Variants in GOLM2 observed in about 807,000 individuals in gnomAD.
GOLM2 encodes the protein protein GOLM2.
A neutral mutation model predicts 55.9 loss-of-function variants in GOLM2; 26 were observed. The ratio of observed to expected loss-of-function variants is 0.47; its 90% CI spans 0.34 to 0.65. GOLM2 has a LOEUF of 0.65. Ranked by LOEUF, GOLM2 falls within the 30% of genes least tolerant of loss-of-function variation. GOLM2 has a pLI of 0.01. For missense variants in GOLM2, 486 were observed against 531.8 expected, an observed-to-expected ratio of 0.91 and a Z score of 0.85; for synonymous variants, 165 against 194.6, an observed-to-expected ratio of 0.85 and a Z score of 1.27.
chr15:44,391,545 G>A (rs778067553), intron 8 of GOLM2, among the ~76,000 whole-genome samples: 11 of 150,402 alleles, frequency 7.3e-5, no homozygotes, highest in East Asian at 2.0e-4. Flanking sequence ...TGGAAAGATC[G>A]TCAGCACACA....
At position 44,289,381 on chromosome 15, in the gene GOLM2, A is replaced by AG; in HGVS notation, c.327+25_327+26insG. The AG allele has an allele frequency of 6.3e-7, 1 of 1,582,962 alleles. No individual in the cohort carries two copies. The highest frequency in any genetic ancestry group is 8.6e-7 in the Non-Finnish European group (1 of 1,163,346). ...GGTAAGGACGACCCTTTTCTCTTCA[A>AG]ACCCCATGGTTTCTTTTCTCCCCGG... On this transcript the variant is annotated intron_variant, in intron 1 of 9. Transcript: ENST00000299957. The surrounding 1 kb of genome is among the most constrained non-coding windows in gnomAD (Gnocchi z 4.8).
At chr15:44,331,217 G>T (rs1288601030) in intron 3 of GOLM2, among the ~76,000 whole-genome samples, 1 of 152,066 alleles carries the variant, frequency 6.6e-6, no homozygotes, top group East Asian at 1.9e-4. Flanking sequence ...GGGTGTCATT[G>T]TGTTGGCCAG....
chr15:44,326,947 C>T (rs2078986434), intron 2 of GOLM2, among the ~76,000 whole-genome samples: 1 of 150,402 alleles, frequency 6.6e-6, no homozygotes, highest in South Asian at 2.1e-4. Flanking sequence ...CCACCGTGCC[C>T]AGCCAACATC....
Position 44,293,427 on chromosome 15 carries a change from TCCAGG to T in GOLM2, c.327+4072_327+4076del, listed in dbSNP as rs2078735019. On this transcript the variant is annotated intron_variant, in intron 1 of 9. Transcript: ENST00000299957. ...TTTTCGCCTGCTGTCCTTTTTTAAT[TCCAGG>T]ATCTCATCCAGAGTTACGTTACATT... 2.0e-5 allele frequency among the ~76,000 whole-genome samples: 3 copies of T among 152,344 alleles called. No homozygotes were observed. In the South Asian group the frequency reaches 6.2e-4, roughly 32 times the overall value.
At chr15:44,373,326 G>A (rs1018018688) in intron 6 of GOLM2, among the ~76,000 whole-genome samples, 3 of 151,906 alleles carry the variant, frequency 2.0e-5, no homozygotes, top group African/African-American at 4.8e-5. Flanking sequence ...GCGCAGTGGC[G>A]GGCGCCTGTA....
intron 8 of GOLM2, among the ~76,000 whole-genome samples, chr15:44,395,268 A>G (rs1487256924): frequency 6.6e-6 from 1 of 150,858 alleles, no homozygotes; most frequent in Non-Finnish European, 1.5e-5. Flanking sequence ...TCAGCCTCCC[A>G]AAGTGCTGGT....
At chr15:44,291,233 G>A (rs771295712) in intron 1 of GOLM2, among the ~76,000 whole-genome samples, 28 of 151,760 alleles carry the variant, frequency 1.8e-4, no homozygotes, top group Non-Finnish European at 3.8e-4. Context: ...TCCTGCTTCA[G>A]CCTCTGAGTA....
At chr15:44,384,615 C>T (rs534921078) in intron 8 of GOLM2, among the ~76,000 whole-genome samples, 3 of 152,156 alleles carry the variant, frequency 2.0e-5, no homozygotes, top group Admixed American at 6.5e-5. Context: ...GGCGTGGTGG[C>T]GGGCGCCTGT....
chr15:44,313,925 C>T (rs1242945951), intron 1 of GOLM2, among the ~76,000 whole-genome samples: 1 of 152,048 alleles, frequency 6.6e-6, no homozygotes, highest in Non-Finnish European at 1.5e-5. Flanking sequence ...GACCAAAGAC[C>T]TTGTTTATTC....
At chr15:44,403,531 G>A (rs1340391821) in intron 9 of GOLM2, among the ~76,000 whole-genome samples, 2 of 151,920 alleles carry the variant, frequency 1.3e-5, no homozygotes, top group East Asian at 3.9e-4. Context: ...TTATAATAGT[G>A]GAATTTGTAA....
At chr15:44,413,273 T>C (rs2079650488) in intron 9 of GOLM2, 63 bp from the exon 10 acceptor site, 1 of 1,186,434 alleles carries the variant, frequency 8.4e-7, no homozygotes, top group Non-Finnish European at 1.2e-6. Context: ...AACTGAGACA[T>C]TAATTGGATT....
At chr15:44,343,358 A>G (rs1323081411) in intron 6 of GOLM2, among the ~76,000 whole-genome samples, 1 of 149,264 alleles carries the variant, frequency 6.7e-6, no homozygotes, top group Non-Finnish European at 1.5e-5. Context: ...TGTTATTATT[A>G]TTTCATGTAA....
At chr15:44,326,941 C>T (rs1400689039) in intron 2 of GOLM2, among the ~76,000 whole-genome samples, 4 of 150,026 alleles carry the variant, frequency 2.7e-5, no homozygotes, top group African/African-American at 7.3e-5. Flanking sequence ...TGTGAGCCAC[C>T]GTGCCCAGCC....
intron 6 of GOLM2, chr15:44,355,390 C>A: frequency 5.9e-6 from 1 of 168,492 alleles, no homozygotes; most frequent in South Asian, 1.3e-4. Context: ...CCTTCCTCGT[C>A]CCTACCACCA....
chr15:44,312,464 C>T (rs1274653244), intron 1 of GOLM2, among the ~76,000 whole-genome samples: 1 of 152,106 alleles, frequency 6.6e-6, no homozygotes, highest in Non-Finnish European at 1.5e-5. Flanking sequence ...GGAATACCTA[C>T]ATCTGTACCC....
rs180795078 is a variant in GOLM2, at chr15:44,330,340, C to A, written c.485+1553C>A. Among the ~76,000 whole-genome samples, 327 of 150,722 alleles carry A rather than the reference C, an allele frequency of 2.2e-3. 2 individuals carry two copies. The highest frequency in any genetic ancestry group is 7.7e-3 in the African/African-American group (319 of 41,214). The stretch of plus-strand genomic sequence containing the variant: ...CCAGCCTGACCAACATGGAGAAACC[C>A]CATTTCTACTAAAAATAGAAAAAAT... On this transcript the variant is annotated intron_variant, in intron 3 of 9. Transcript: ENST00000299957.
chr15:44,351,626 G>A lies in GOLM2; in HGVS notation c.802+13309G>A, dbSNP rs573350060. The stretch of plus-strand genomic sequence containing the variant: ...CAGACAAACAAAGAACATCAAAATC[G>A]GAAAGGAAGAAGTCAAATTATCCTT... On this transcript the variant is annotated intron_variant, in intron 6 of 9. Coordinates refer to ENST00000299957, the MANE Select transcript of GOLM2 (RefSeq NM_138423.4). Among the ~76,000 whole-genome samples the A allele has an allele frequency of 2.7e-5, 4 of 145,936 alleles. No individual in the cohort carries two copies. The South Asian group carries it at 6.5e-4, about 24-fold the overall frequency.
intron 6 of GOLM2, among the ~76,000 whole-genome samples, chr15:44,368,729 A>C (rs1032966028): frequency 4.6e-5 from 7 of 151,474 alleles, no homozygotes; most frequent in African/African-American, 9.7e-5. Flanking sequence ...ATATACACAC[A>C]TATATATACA....
At chr15:44,312,956 G>C (rs1283531754) in intron 1 of GOLM2, among the ~76,000 whole-genome samples, 2 of 152,132 alleles carry the variant, frequency 1.3e-5, no homozygotes, top group Non-Finnish European at 2.9e-5. Context: ...GCGTGCTCCT[G>C]TAATCCCAGC....
Sources: gnomAD v4.1 joint callset for allele counts (sites outside exome capture counted in the v4.1 genomes callset) on GRCh38, gnomAD v4.1.1 for gene constraint, Gnocchi (gnomAD v3.1) non-coding constraint, MANE v1.5 for transcripts, NCBI Gene and HGNC (gene_info 2026-07-23, HGNC 2026-07-21) for gene names.